Variants in SNX18 observed in about 807,000 individuals in gnomAD.
The protein encoded by SNX18 is sorting nexin 18.
SNX18 carries 35 observed loss-of-function variants against 48.7 expected under a neutral mutation model. That is an observed-to-expected ratio of 0.72 (90% CI 0.55 to 0.95). The LOEUF is 0.95. Among genes scored for constraint, SNX18 ranks in the 40% least tolerant of loss-of-function variants. SNX18 has a pLI of 0.00. For synonymous variants in SNX18, 492 were observed against 384.7 expected (o/e 1.28, Z -3.26); for missense variants, 824 against 871.0 (o/e 0.95, Z 0.68).
the SNX18 span, among the ~76,000 whole-genome samples, chr5:54,599,438 A>G: frequency 2.6e-5 from 4 of 152,320 alleles, no homozygotes; most frequent in East Asian, 7.7e-4. Context: ...TGCTATTCCC[A>G]TTAAACTACC....
the SNX18 span, among the ~76,000 whole-genome samples, chr5:54,573,014 G>T: frequency 6.6e-6 from 1 of 151,412 alleles, no homozygotes; most frequent in African/African-American, 2.4e-5. Context: ...GCCTCCCGAT[G>T]TTTATGGTTA....
At chr5:54,614,305 A>G in the SNX18 span, among the ~76,000 whole-genome samples, 1 of 152,328 alleles carries the variant, frequency 6.6e-6, no homozygotes, top group South Asian at 2.1e-4. Flanking sequence ...CATCTCCCTG[A>G]TAAGACCAGC....
chr5:54,550,633 G>GGCGACCTCTGTGCT, downstream of SNX18, among the ~76,000 whole-genome samples: 1 of 152,212 alleles, frequency 6.6e-6, no homozygotes, highest in African/African-American at 2.4e-5. Context: ...GCCCAGGCTG[G>GGCGACCTCTGTGCT]AGTGCAGTGG....
At chr5:54,645,338 T>C in the SNX18 span, 4 of 152,228 alleles carry the variant, frequency 2.6e-5, no homozygotes, top group Non-Finnish European at 5.9e-5. Context: ...GGGAGACATA[T>C]AGATACTGTG....
chr5:54,627,994 T>C, the SNX18 span, among the ~76,000 whole-genome samples: 4 of 152,152 alleles, frequency 2.6e-5, no homozygotes, highest in Non-Finnish European at 5.9e-5. Context: ...AGTATAATTA[T>C]CATTGCAGCG....
chr5:54,594,285 G>C, the SNX18 span, among the ~76,000 whole-genome samples: 1 of 152,276 alleles, frequency 6.6e-6, no homozygotes, highest in South Asian at 2.1e-4. Context: ...AACTGCAAAG[G>C]GACATAAGGA....
chr5:54,617,878 G>A, the SNX18 span, among the ~76,000 whole-genome samples: 1 of 152,080 alleles, frequency 6.6e-6, no homozygotes, highest in South Asian at 2.1e-4. Flanking sequence ...TGACTAATCT[G>A]TTAATAGTCC....
intron 1 of SNX18, among the ~76,000 whole-genome samples, chr5:54,536,157 C>T (rs1397552513): frequency 6.6e-6 from 1 of 152,140 alleles, no homozygotes; most frequent in Non-Finnish European, 1.5e-5. Context: ...TTTGCCTGTT[C>T]GGTATCACTG....
the SNX18 span, among the ~76,000 whole-genome samples, chr5:54,628,749 TG>T: frequency 0.053 from 8,023 of 152,288 alleles, 289 homozygotes; most frequent in Non-Finnish European, 0.082. Context: ...GAGTCTGGCC[TG>T]GGAAACACCT....
At chr5:54,528,884 T>C (rs1762198298) in intron 1 of SNX18, among the ~76,000 whole-genome samples, 1 of 152,104 alleles carries the variant, frequency 6.6e-6, no homozygotes, top group Non-Finnish European at 1.5e-5. Context: ...AACCAGCCGC[T>C]GAGGGGATAC....
At chr5:54,607,260 C>T in the SNX18 span, among the ~76,000 whole-genome samples, 4 of 152,174 alleles carry the variant, frequency 2.6e-5, no homozygotes, top group Non-Finnish European at 2.9e-5. Context: ...TGTGGGCCCC[C>T]GCCTGTGTGC....
the SNX18 span, among the ~76,000 whole-genome samples, chr5:54,591,587 C>T: frequency 1.3e-5 from 2 of 152,214 alleles, no homozygotes; most frequent in African/African-American, 4.8e-5. Context: ...ACTGTGAGCA[C>T]TCAAAATGAT....
At chr5:54,553,930 A>G in the SNX18 span, among the ~76,000 whole-genome samples, 2 of 152,198 alleles carry the variant, frequency 1.3e-5, no homozygotes, top group Non-Finnish European at 2.9e-5. Flanking sequence ...GACATTTGCA[A>G]ACTGAATCAG....
Position 54,543,453 on chromosome 5 carries a change from G to A in SNX18, c.*21G>A, listed in dbSNP as rs756062241. 6 of 1,606,614 alleles carry A rather than the reference G, an allele frequency of 3.7e-6. No homozygotes were observed. Among genetic ancestry groups the A allele is most frequent in the Admixed American group, 1.7e-5 (1 of 59,374 alleles). ...TTTAATGACTGGACGTTGGATTATG[G>A]ACTTTTTCAGTTCAAGGATAATTTC... On this transcript the variant is annotated 3_prime_UTR_variant, in exon 2 of 2. Transcript: ENST00000381410.
chr5:54,535,487 A>G (rs1762335829), intron 1 of SNX18, among the ~76,000 whole-genome samples: 1 of 152,218 alleles, frequency 6.6e-6, no homozygotes, highest in South Asian at 2.1e-4. Context: ...TTTCCTTTTA[A>G]CTCTCAAAAC....
intron 1 of SNX18, chr5:54,520,296 A>G (rs1221713403): frequency 5.6e-6 from 1 of 178,656 alleles, no homozygotes; most frequent in Non-Finnish European, 1.4e-5. Flanking sequence ...TAGCTGTCCA[A>G]CTATCAGAGT....
chr5:54,565,694 A>G, the SNX18 span, among the ~76,000 whole-genome samples: 5 of 152,220 alleles, frequency 3.3e-5, no homozygotes, highest in African/African-American at 1.2e-4. Flanking sequence ...CCTGTTTAAA[A>G]GGGGCCTAGA....
chr5:54,569,497 C>T, the SNX18 span, among the ~76,000 whole-genome samples: 2 of 152,130 alleles, frequency 1.3e-5, no homozygotes, highest in African/African-American at 2.4e-5. Flanking sequence ...CTTTGCCCCA[C>T]GAAGTCTGTG....
the SNX18 span, among the ~76,000 whole-genome samples, chr5:54,632,046 C>T: frequency 6.6e-6 from 1 of 152,194 alleles, no homozygotes; most frequent in African/African-American, 2.4e-5. Flanking sequence ...AGAAGCCTGG[C>T]ATGTCCTTGC....
Sources: gnomAD v4.1 joint callset for allele counts (sites outside exome capture counted in the v4.1 genomes callset) on GRCh38, gnomAD v4.1.1 for gene constraint, MANE v1.5 for transcripts, NCBI Gene and HGNC (gene_info 2026-07-23, HGNC 2026-07-21) for gene names.